Variants in LRRTM4 observed in about 807,000 individuals in gnomAD.
LRRTM4 encodes leucine rich repeat transmembrane neuronal 4.
LRRTM4 carries 25 observed loss-of-function variants against 47.6 expected under a neutral mutation model. The ratio of observed to expected loss-of-function variants is 0.53; its 90% CI spans 0.38 to 0.73. The LOEUF is 0.73. Ranked by LOEUF, LRRTM4 falls within the 30% of genes least tolerant of loss-of-function variation. The pLI is 0.00. For synonymous variants in LRRTM4, 311 were observed against 269.5 expected (o/e 1.15, Z -1.51); for missense variants, 638 against 713.4 (o/e 0.89, Z 1.20).
chr2:76,833,354 A>C (rs1558682761), intron 3 of LRRTM4, among the ~76,000 whole-genome samples: 1 of 152,080 alleles, frequency 6.6e-6, no homozygotes, highest in Non-Finnish European at 1.5e-5. Flanking sequence ...GGATGTTCTG[A>C]GAGGTCAGGG....
chr2:77,515,035 G>A (rs1291915033), intron 3 of LRRTM4, among the ~76,000 whole-genome samples: 2 of 151,796 alleles, frequency 1.3e-5, no homozygotes, highest in East Asian at 3.9e-4. Context: ...TATCCTTTTG[G>A]CTTTAAATTC....
At chr2:76,798,816 C>A (rs1409817472) in intron 3 of LRRTM4, among the ~76,000 whole-genome samples, 1 of 151,960 alleles carries the variant, frequency 6.6e-6, no homozygotes, top group Admixed American at 6.6e-5. Context: ...GAGAATACTA[C>A]AAACACCTCT....
intron 3 of LRRTM4, among the ~76,000 whole-genome samples, chr2:77,385,337 C>A (rs564779379): frequency 6.6e-6 from 1 of 152,228 alleles, no homozygotes; most frequent in East Asian, 1.9e-4. Flanking sequence ...CTAACAACTA[C>A]ATTAACAATA....
At chr2:77,224,785 A>G (rs539664812) in intron 3 of LRRTM4, among the ~76,000 whole-genome samples, 1 of 152,260 alleles carries the variant, frequency 6.6e-6, no homozygotes, top group South Asian at 2.1e-4. Context: ...TAGTTCAACC[A>G]TTGTGGAAGT....
intron 3 of LRRTM4, among the ~76,000 whole-genome samples, chr2:77,035,387 A>C (rs1306888594): frequency 6.6e-6 from 1 of 151,922 alleles, no homozygotes; most frequent in Non-Finnish European, 1.5e-5. Context: ...ACATTGGTAT[A>C]ATCAAGAAAC....
At chr2:76,934,516 G>A (rs1369560349) in intron 3 of LRRTM4, among the ~76,000 whole-genome samples, 1 of 152,108 alleles carries the variant, frequency 6.6e-6, no homozygotes, top group African/African-American at 2.4e-5. Flanking sequence ...TGGTGTGCTG[G>A]TAAATGTGTA....
intron 3 of LRRTM4, among the ~76,000 whole-genome samples, chr2:77,021,870 C>A (rs1374446352): frequency 1.3e-5 from 2 of 152,082 alleles, no homozygotes; most frequent in Admixed American, 6.5e-5. Context: ...TTAATGATTG[C>A]CACACCCAAA....
At chr2:76,791,208 T>C (rs928414584) in intron 3 of LRRTM4, among the ~76,000 whole-genome samples, 3 of 152,148 alleles carry the variant, frequency 2.0e-5, no homozygotes, top group Admixed American at 6.6e-5. Flanking sequence ...GATCCAGGCA[T>C]GTGGCTTGCC....
intron 3 of LRRTM4, among the ~76,000 whole-genome samples, chr2:76,996,461 G>A (rs979571292): frequency 4.6e-5 from 7 of 151,994 alleles, no homozygotes; most frequent in Non-Finnish European, 8.8e-5. Flanking sequence ...AAAATTAAGC[G>A]AGGTTACTTC....
intron 3 of LRRTM4, among the ~76,000 whole-genome samples, chr2:77,233,772 C>T (rs866197059): frequency 2.7e-4 from 41 of 151,698 alleles, no homozygotes; most frequent in African/African-American, 9.4e-4. Context: ...CTGTTTGTTG[C>T]TGTTGTTGTT....
chr2:77,371,041 G>A (rs903373230), intron 3 of LRRTM4, among the ~76,000 whole-genome samples: 5 of 151,540 alleles, frequency 3.3e-5, no homozygotes, highest in Admixed American at 6.6e-5. Flanking sequence ...AATGTATGTC[G>A]AACTCAACTC....
At chr2:77,162,830 C>G (rs374957792) in intron 3 of LRRTM4, among the ~76,000 whole-genome samples, 2 of 152,266 alleles carry the variant, frequency 1.3e-5, no homozygotes, top group South Asian at 2.1e-4. Context: ...ATGTCACCAT[C>G]ATCAAAGACT....
chr2:76,935,694 G>A (rs561710401), intron 3 of LRRTM4, among the ~76,000 whole-genome samples: 1 of 152,276 alleles, frequency 6.6e-6, no homozygotes, highest in African/African-American at 2.4e-5. Flanking sequence ...CATTGATTTT[G>A]TATCCTGAGA....
intron 3 of LRRTM4, among the ~76,000 whole-genome samples, chr2:77,310,860 A>G (rs1384346647): frequency 6.6e-6 from 1 of 152,106 alleles, no homozygotes; most frequent in Admixed American, 6.5e-5. Flanking sequence ...ACACACACAC[A>G]TATATATTTA....
chr2:77,377,809 T>C (rs1306581183), intron 3 of LRRTM4, among the ~76,000 whole-genome samples: 2 of 152,042 alleles, frequency 1.3e-5, no homozygotes, highest in Admixed American at 6.6e-5. Flanking sequence ...TTCCTTCATG[T>C]TTCAGATAAT....
chr2:77,352,421 G>T (rs1671818173), intron 3 of LRRTM4, among the ~76,000 whole-genome samples: 1 of 151,986 alleles, frequency 6.6e-6, no homozygotes, highest in Admixed American at 6.6e-5. Context: ...ATTATTAAGT[G>T]ATCCTCATTA....
chr2:77,026,444 G>T (rs1168619293), intron 3 of LRRTM4, among the ~76,000 whole-genome samples: 2 of 152,138 alleles, frequency 1.3e-5, no homozygotes, highest in East Asian at 3.9e-4. Context: ...TCATGGGAGT[G>T]GTTGTCTCAT....
intron 3 of LRRTM4, among the ~76,000 whole-genome samples, chr2:76,825,646 G>A (rs914171228): frequency 6.6e-6 from 1 of 151,734 alleles, no homozygotes; most frequent in Admixed American, 6.6e-5. Context: ...GTAGACTACT[G>A]AATATACTAA....
rs142985070 is a variant in LRRTM4 at position 77,463,263 on chromosome 2, A to T, written c.1551+55055T>A. Among the ~76,000 whole-genome samples the T allele has an allele frequency of 6.9e-3, 1,056 of 152,196 alleles. 5 individuals carry two copies. The highest frequency in any genetic ancestry group is 0.012 in the Admixed American group (189 of 15,260). On this transcript the variant is annotated intron_variant, in intron 3 of 3. Coordinates refer to ENST00000409884, the MANE Select transcript of LRRTM4 (RefSeq NM_001134745.3). ...CTTGTGTACCTAAAATTGCAATATTATAATCTTATGGGACCACAGTTGTAT... is the reference window on the plus strand; with the variant it reads ...CTTGTGTACCTAAAATTGCAATATTTTAATCTTATGGGACCACAGTTGTAT...
Sources: allele counts gnomAD v4.1 joint callset (sites outside exome capture counted in the v4.1 genomes callset), GRCh38; gene constraint gnomAD v4.1.1; transcripts MANE v1.5; gene names NCBI Gene and HGNC (gene_info 2026-07-23, HGNC 2026-07-21).